LRP6: variants seen among roughly 807,000 people sequenced by gnomAD.
The protein encoded by LRP6 is LDL receptor related protein 6, also known as low-density lipoprotein receptor-related protein 6.
LRP6 carries 43 observed loss-of-function variants against 184.1 expected under a neutral mutation model. The observed-to-expected ratio is 0.23, with a 90% CI of 0.18 to 0.30. LRP6 has a LOEUF of 0.30. Among genes scored for constraint, LRP6 ranks in the 10% least tolerant of loss-of-function variants. The probability of loss-of-function intolerance (pLI) is 1.00; values close to 1 mark genes in which losing one functional copy is unlikely to be tolerated. For synonymous variants in LRP6, 719 were observed against 684.9 expected (o/e 1.05, Z -0.78); for missense variants, 1,571 against 2,005.3 (o/e 0.78, Z 4.14).
intron 7 of LRP6, among the ~76,000 whole-genome samples, chr12:12,176,728 C>T (rs376465512): frequency 8.5e-5 from 13 of 152,078 alleles, no homozygotes; most frequent in East Asian, 5.8e-4. Flanking sequence ...CCATGTGATC[C>T]ACTCAAGACA....
At chr12:12,217,080 C>T (rs1864367705) in intron 2 of LRP6, among the ~76,000 whole-genome samples, 1 of 152,188 alleles carries the variant, frequency 6.6e-6, no homozygotes, top group Non-Finnish European at 1.5e-5. Context: ...CCAGAGACCA[C>T]TACCAGTTCA....
intron 2 of LRP6, among the ~76,000 whole-genome samples, chr12:12,233,302 C>T (rs1310795733): frequency 6.6e-6 from 1 of 152,020 alleles, no homozygotes; most frequent in Non-Finnish European, 1.5e-5. Flanking sequence ...CCCGCCTCTA[C>T]TAAAAATACA....
intron 15 of LRP6, among the ~76,000 whole-genome samples, chr12:12,145,624 CTTTTT>C (rs1157764946): frequency 6.2e-5 from 5 of 80,314 alleles, no homozygotes; most frequent in Admixed American, 1.7e-4. Flanking sequence ...TTTTCTTTTT[CTTTTT>C]TTTTTTTTTT....
chr12:12,238,502 C>T (rs1295713601), intron 2 of LRP6, among the ~76,000 whole-genome samples: 2 of 151,728 alleles, frequency 1.3e-5, no homozygotes, highest in Non-Finnish European at 2.9e-5. Context: ...CTGCAAAATA[C>T]CAAAAATCAA....
At chr12:12,188,398 A>AAAGGG (rs1555113788) in intron 3 of LRP6, among the ~76,000 whole-genome samples, 2 of 152,098 alleles carry the variant, frequency 1.3e-5, no homozygotes, top group Non-Finnish European at 2.9e-5. Context: ...AATGAAGGGA[A>AAAGGG]AAGGGAAGGG....
At chr12:12,144,841 C>T (rs1410757155) in intron 15 of LRP6, among the ~76,000 whole-genome samples, 1 of 150,120 alleles carries the variant, frequency 6.7e-6, no homozygotes, top group Non-Finnish European at 1.5e-5. Context: ...CATGTTCTCA[C>T]TCACAGGTGG....
intron 7 of LRP6, among the ~76,000 whole-genome samples, chr12:12,175,696 A>AAAAATAAAATAAAAT (rs71435896): frequency 7.0e-6 from 1 of 142,392 alleles, no homozygotes; most frequent in African/African-American, 2.6e-5. Flanking sequence ...GTCTCAAATA[A>AAAAATAAAATAAAAT]AAAATAAAAT....
intron 18 of LRP6, 93 bp from the exon 19 acceptor site, chr12:12,130,986 A>T: frequency 1.4e-6 from 1 of 734,462 alleles, no homozygotes; most frequent in Non-Finnish European, 2.5e-6. Context: ...AACACAAATG[A>T]AAAACAAATT....
intron 2 of LRP6, among the ~76,000 whole-genome samples, chr12:12,213,551 C>T (rs1591953364): frequency 6.6e-6 from 1 of 152,016 alleles, no homozygotes; most frequent in Admixed American, 6.5e-5. Context: ...CAATTTCTTT[C>T]ATTGCTTTCA....
At chr12:12,223,797 T>G (rs1449018569) in intron 2 of LRP6, among the ~76,000 whole-genome samples, 1 of 152,218 alleles carries the variant, frequency 6.6e-6, no homozygotes, top group Non-Finnish European at 1.5e-5. Flanking sequence ...ATTCTAATCC[T>G]TTACCACATG....
chr12:12,187,678 T>C (rs1458209880), intron 3 of LRP6, among the ~76,000 whole-genome samples: 31 of 152,338 alleles, frequency 2.0e-4, no homozygotes, highest in Non-Finnish European at 2.9e-5. Context: ...CAAAATGGCA[T>C]GCAGGTAGCA....
chr12:12,249,308 T>C (rs1213593447), intron 1 of LRP6: 2 of 1,137,870 alleles, frequency 1.8e-6, no homozygotes, highest in Non-Finnish European at 2.7e-6. Context: ...GCCATATCAG[T>C]GCTAGCAAAA....
chr12:12,181,373 T>C lies in LRP6; in HGVS notation c.1043A>G (p.Asp348Gly), dbSNP rs774597282. ...DLRRISLDTP[D>G]FTDIVLQLED... Reference sequence around the variant, plus strand: ...TAACTGCAGAACAATGTCTGTAAAATCTGGTGTATCCAAAGAAATGCGTCT... The same window carrying C: ...TAACTGCAGAACAATGTCTGTAAAACCTGGTGTATCCAAAGAAATGCGTCT... Residue 348 changes from aspartate to glycine, a missense_variant, in exon 6 of 23, where the codon GAT becomes GGT. Transcript: ENST00000261349. 6.3e-7 allele frequency: 1 copy of C among 1,593,896 alleles called. No homozygotes were observed. Among genetic ancestry groups the C allele is most frequent in the East Asian group, 2.2e-5 (1 of 44,782 alleles).
At chr12:12,189,587 C>T (rs1863560788) in intron 3 of LRP6, among the ~76,000 whole-genome samples, 1 of 152,000 alleles carries the variant, frequency 6.6e-6, no homozygotes, top group South Asian at 2.1e-4. Flanking sequence ...CTGCAACCTC[C>T]GCCTCCAGGG....
intron 6 of LRP6, 127 bp from the exon 7 acceptor site, chr12:12,180,108 A>C: frequency 1.4e-6 from 1 of 724,712 alleles, no homozygotes; most frequent in East Asian, 2.7e-5. Flanking sequence ...AGGGGAAAAA[A>C]AAAAAAACAT....
chr12:12,164,919 T>TAAAAAAAAAAAAAAAAAAAAAAAA (rs58540250), intron 8 of LRP6, among the ~76,000 whole-genome samples, 160 bp downstream of exon 8: 14 of 57,088 alleles, frequency 2.5e-4, no homozygotes, highest in Non-Finnish European at 4.0e-4. Context: ...CCCTTCTCAG[T>TAAAAAAAAAAAAAAAAAAAAAAAA]AAAAAAAAAA....
rs12306537 is a variant in LRP6, at chr12:12,130,530, T to C, written c.4081+253A>G. On this transcript the variant is annotated intron_variant, in intron 19 of 22. Coordinates refer to ENST00000261349, the MANE Select transcript of LRP6 (RefSeq NM_002336.3). Reference sequence around the variant, plus strand: ...GATTTGAGAATTTTGTAACTTTGGTTATAGTAAAATAATATTTACTCTTTT... The same window carrying C: ...GATTTGAGAATTTTGTAACTTTGGTCATAGTAAAATAATATTTACTCTTTT... 0.075 allele frequency among the ~76,000 whole-genome samples: 11,424 copies of C among 152,332 alleles called. 511 individuals carry two copies. Among genetic ancestry groups the C allele is most frequent in the Admixed American group, 0.11 (1,690 of 15,298 alleles).
In LRP6 at chr12:12,120,018, T is replaced by TATATATATATATATAA. The variant is rs1949580268; in HGVS notation, c.*1107_*1108insTTATATATATATATAT. 1 of 103,688 alleles carries TATATATATATATATAA rather than the reference T, an allele frequency of 9.6e-6. No homozygotes were observed. The highest frequency in any genetic ancestry group is 9.1e-5 in the Admixed American group (1 of 10,980). The allele number at this position is 103,688 out of a possible 1,614,324, so 6.4% of individuals were successfully genotyped here. A position where few individuals can be genotyped will look rare whatever the true frequency, so the allele number is the denominator to read the frequency against. On this transcript the variant is annotated 3_prime_UTR_variant, in exon 23 of 23. Coordinates refer to ENST00000261349, the MANE Select transcript of LRP6 (RefSeq NM_002336.3). ...ATATATATATATATATATATATATA[T>TATATATATATATATAA]ATATATATATATATATATATATATA...
Position 12,249,379 on chromosome 12 carries a change from A to C in LRP6, c.56-4724T>G, listed in dbSNP as rs941000962. ...AGCTTTGGCGCCTAATGGTGTCTAA[A>C]GAAAATATGAAACTCCCTCAGCCAC... On this transcript the variant is annotated intron_variant, in intron 1 of 22. Transcript: ENST00000261349. 22 of 990,762 alleles carry C rather than the reference A, an allele frequency of 2.2e-5. No homozygotes were observed. In the Admixed American group the frequency reaches 3.7e-4, roughly 17 times the overall value. The allele number at this position is 990,762 out of a possible 1,614,324, so 61.4% of individuals were successfully genotyped here.
Sources: gnomAD v4.1 joint callset for allele counts (sites outside exome capture counted in the v4.1 genomes callset) on GRCh38, gnomAD v4.1.1 for gene constraint, MANE v1.5 for transcripts, NCBI Gene and HGNC (gene_info 2026-07-23, HGNC 2026-07-21) for gene names.